SPAG17: variants seen among roughly 807,000 people sequenced by gnomAD.
The protein encoded by SPAG17 is sperm associated antigen 17.
A neutral mutation model predicts 273.6 loss-of-function variants in SPAG17; 169 were observed. The ratio of observed to expected loss-of-function variants is 0.62; its 90% CI spans 0.55 to 0.70. The LOEUF is 0.70. SPAG17 is among the 30% of genes least tolerant of loss of function. SPAG17 has a pLI of 0.00. For synonymous variants in SPAG17, 825 were observed against 873.2 expected, an observed-to-expected ratio of 0.94 and a Z score of 0.97; for missense variants, 2,557 against 2,627.8, an observed-to-expected ratio of 0.97 and a Z score of 0.59.
At position 117,954,073 on chromosome 1, in the gene SPAG17, G is replaced by A. The variant is rs1651800392; in HGVS notation, c.*1-24C>T. 3.7e-6 allele frequency: 6 copies of A among 1,612,354 alleles called. No homozygotes were observed. In the East Asian group the frequency reaches 1.3e-4, roughly 36 times the overall value. ...AACTGCAAAAATGAAGGAACACAAA[G>A]CCATTTGTAAAGCTGCAGGGAAAGA... On this transcript the variant is annotated intron_variant, in intron 48 of 48. Coordinates refer to ENST00000336338, the MANE Select transcript of SPAG17 (RefSeq NM_206996.4).
At chr1:118,089,376 T>A (rs1037288283) in intron 10 of SPAG17, among the ~76,000 whole-genome samples, 1 of 103,322 alleles carries the variant, frequency 9.7e-6, no homozygotes, top group Non-Finnish European at 2.2e-5. Flanking sequence ...GGAGGTGAGA[T>A]GACAGGTACA....
intron 27 of SPAG17, among the ~76,000 whole-genome samples, chr1:118,023,771 T>C (rs1647392261): frequency 6.6e-6 from 1 of 152,208 alleles, no homozygotes; most frequent in Admixed American, 6.5e-5. Context: ...ATTCTTCACC[T>C]TTCTCCTTTG....
Position 118,115,306 on chromosome 1 carries a change from G to A in SPAG17, c.447+4C>T, listed in dbSNP as rs1657008841. ...TTTAGAAAACCCACCAGATCGTACA[G>A]TACCTTCTTTTCATTTTCCCGTCGC... is the stretch of plus-strand genomic sequence containing the variant. On this transcript the variant is annotated splice_donor_region_variant and intron_variant, in intron 4 of 48. Coordinates refer to ENST00000336338, the MANE Select transcript of SPAG17 (RefSeq NM_206996.4). The A allele has an allele frequency of 6.2e-7, 1 of 1,612,812 alleles. No individual in the cohort carries two copies. Among genetic ancestry groups the A allele is most frequent in the South Asian group, 1.1e-5 (1 of 91,052 alleles).
At chr1:118,114,113 C>A (rs1027672719) in intron 4 of SPAG17, among the ~76,000 whole-genome samples, 28 of 152,054 alleles carry the variant, frequency 1.8e-4, no homozygotes, top group African/African-American at 6.0e-4. Flanking sequence ...TTTAAACAGG[C>A]AAGAGATGTT....
intron 38 of SPAG17, among the ~76,000 whole-genome samples, chr1:117,989,825 C>A (rs972929421): frequency 3.4e-4 from 52 of 152,084 alleles, no homozygotes; most frequent in African/African-American, 1.3e-3. Context: ...AGAGAACCAC[C>A]CACTTTGGCC....
At chr1:117,958,767 C>CTT (rs3215666) in intron 48 of SPAG17, 8,203 of 360,318 alleles carry the variant, frequency 0.023, 257 homozygotes, top group African/African-American at 0.095. Flanking sequence ...ACTTCTTTGG[C>CTT]TTTTTTTTTT....
Position 118,081,560 on chromosome 1 carries a change from T to C in SPAG17, c.1845A>G (p.Lys615=). The change falls in exon 14 of 49, where the codon AAA becomes AAG. Residue 615 remains lysine (K), a synonymous_variant. Coordinates refer to ENST00000336338, the MANE Select transcript of SPAG17 (RefSeq NM_206996.4). ...ESLKLSEVDE[K]GKLKPSGMMC... ...TCATCCCAGAAGGTTTCAGTTTCCC[T>C]TTTTCATCAACCTCAGAGAGCTTCA... 6.2e-7 allele frequency: 1 copy of C among 1,613,862 alleles called. No individual in the cohort carries two copies. Among genetic ancestry groups the C allele is most frequent in the Non-Finnish European group, 8.5e-7 (1 of 1,179,914 alleles).
chr1:118,137,260 A>G (rs1275927119), intron 3 of SPAG17, among the ~76,000 whole-genome samples: 10 of 152,232 alleles, frequency 6.6e-5, no homozygotes, highest in Non-Finnish European at 1.3e-4. Flanking sequence ...TAATGAAAAT[A>G]ATTTGGTGAT....
chr1:117,985,694 C>G (rs72631710), intron 40 of SPAG17, among the ~76,000 whole-genome samples: 14,922 of 152,176 alleles, frequency 0.098, 952 homozygotes, highest in East Asian at 0.34. Flanking sequence ...CCCTGAAATA[C>G]TTTTCATTTT....
At chr1:118,160,662 C>T (rs558324116) in intron 1 of SPAG17, among the ~76,000 whole-genome samples, 55 of 152,370 alleles carry the variant, frequency 3.6e-4, no homozygotes, top group African/African-American at 1.2e-3. Flanking sequence ...GCCCTGATTA[C>T]ACTAACTCTA....
Position 117,973,437 on chromosome 1 carries a change from T to C in SPAG17, c.6129A>G (p.Gln2043=), listed in dbSNP as rs1159596088. Residue 2043 remains glutamine, a synonymous_variant, in exon 44 of 49, where the codon CAA becomes CAG. Transcript: ENST00000336338. The part of the protein sequence containing the change: ...HYLLSSKPKS[Q]PLAKVQDSVG... ...ATGTTTGTTTTACCTTTGCAAGAGG[T>C]TGAGACTTAGGCTTGGAACTCAGCA... 16 of 1,613,272 alleles carry C rather than the reference T, an allele frequency of 9.9e-6. No homozygotes were observed. Among genetic ancestry groups the C allele is most frequent in the Non-Finnish European group, 1.4e-5 (16 of 1,179,440 alleles).
intron 3 of SPAG17, among the ~76,000 whole-genome samples, chr1:118,135,704 AC>A (rs1658316687): frequency 6.6e-6 from 1 of 152,016 alleles, no homozygotes; most frequent in Non-Finnish European, 1.5e-5. Flanking sequence ...AACTTGTAAA[AC>A]CTCACGCAAA....
In SPAG17 at chr1:117,981,373, C is replaced by T. The variant is rs1655781323; in HGVS notation, c.5901G>A (p.Gln1967=). The change falls in exon 43 of 49, where the codon CAG becomes CAA. Residue 1967 remains glutamine (Q), a synonymous_variant. Transcript: ENST00000336338. ...LDFKPHKVSE[Q]KSSSVPSLPK... is the part of the protein sequence containing the mutation. The stretch of plus-strand genomic sequence containing the variant: ...GAAGACTAGGCACACTTGAGGATTT[C>T]TGTTCTGAAACCTTATGTGGCTTGA... The T allele has an allele frequency of 6.3e-7, 1 of 1,598,692 alleles. No individual in the cohort carries two copies. The highest frequency in any genetic ancestry group is 1.1e-5 in the South Asian group (1 of 87,280).
At chr1:118,104,562 A>T (rs1273497955) in intron 4 of SPAG17, among the ~76,000 whole-genome samples, 3 of 152,216 alleles carry the variant, frequency 2.0e-5, no homozygotes, top group Non-Finnish European at 4.4e-5. Context: ...GTTTCTTGAG[A>T]AATATGAGAA....
chr1:118,066,989 T>A (rs1653046641), intron 17 of SPAG17, 90 bp from the exon 18 acceptor site: 1 of 1,204,656 alleles, frequency 8.3e-7, no homozygotes. Context: ...CTCCCTTTTT[T>A]TCCTACATTC....
chr1:118,012,137 T>A, intron 30 of SPAG17, 91 bp downstream of exon 30: 1 of 1,275,080 alleles, frequency 7.8e-7, no homozygotes, highest in Non-Finnish European at 1.1e-6. Flanking sequence ...TTATTTTTCT[T>A]ATGTGTATGT....
chr1:118,178,347 A>G (rs1335828646), intron 1 of SPAG17, among the ~76,000 whole-genome samples: 1 of 152,130 alleles, frequency 6.6e-6, no homozygotes, highest in Non-Finnish European at 1.5e-5. Context: ...CAAAACATAT[A>G]TGATCATTTC....
rs1430726865 is a variant in SPAG17, at chr1:117,953,654, A to T, written c.*396T>A. On this transcript the variant is annotated 3_prime_UTR_variant, in exon 49 of 49. Coordinates refer to ENST00000336338, the MANE Select transcript of SPAG17 (RefSeq NM_206996.4). ...ATTTTTTTGGCAAAAAGTTGATGAG[A>T]TTTAAAGATGGGGATTATAACCTGT... 1.0e-6 allele frequency: 1 copy of T among 972,248 alleles called. No individual in the cohort carries two copies. The highest frequency in any genetic ancestry group is 1.7e-5 in the African/African-American group (1 of 60,000). The allele number at this position is 972,248 out of a possible 1,614,324, so 60.2% of individuals were successfully genotyped here.
intron 28 of SPAG17, among the ~76,000 whole-genome samples, chr1:118,021,567 T>G (rs1245102284): frequency 4.6e-5 from 7 of 152,148 alleles, no homozygotes; most frequent in Admixed American, 4.6e-4. Flanking sequence ...TAATGTAAGA[T>G]TGGTTCATCA....
Sources: allele counts gnomAD v4.1 joint callset (sites outside exome capture counted in the v4.1 genomes callset), GRCh38; gene constraint gnomAD v4.1.1; transcripts MANE v1.5; gene names NCBI Gene and HGNC (gene_info 2026-07-23, HGNC 2026-07-21).